RABGAP1L: variants seen among roughly 807,000 people sequenced by gnomAD.
The protein encoded by RABGAP1L is RAB GTPase activating protein 1 like, also known as rab GTPase-activating protein 1-like.
Under a neutral mutation model 137.7 loss-of-function variants are expected in RABGAP1L, and 63 were observed. The observed-to-expected ratio is 0.46, with a 90% CI of 0.37 to 0.56. The LOEUF is 0.56. RABGAP1L is among the 20% of genes least tolerant of loss of function. RABGAP1L has a pLI of 0.00. For synonymous variants in RABGAP1L, 431 were observed against 433.7 expected (o/e 0.99, Z 0.08); for missense variants, 1,095 against 1,244.0 (o/e 0.88, Z 1.80).
intron 19 of RABGAP1L, among the ~76,000 whole-genome samples, chr1:174,859,976 TC>T (rs142630658): frequency 0.22 from 22,977 of 105,008 alleles, 2,878 homozygotes; most frequent in African/African-American, 0.36. Flanking sequence ...TTTTTTTTTT[TC>T]CAAATAAAGT....
chr1:174,503,720 A>G (rs1333703842), intron 13 of RABGAP1L, among the ~76,000 whole-genome samples: 1 of 151,822 alleles, frequency 6.6e-6, no homozygotes, highest in Non-Finnish European at 1.5e-5. Context: ...ATGCAGTAAT[A>G]AGGAACTATC....
intron 1 of RABGAP1L, among the ~76,000 whole-genome samples, chr1:174,212,224 A>C (rs1356907468): frequency 6.6e-6 from 1 of 152,262 alleles, no homozygotes; most frequent in South Asian, 2.1e-4. Flanking sequence ...GACCGTACTT[A>C]GGTCACAAAA....
At chr1:174,192,763 A>C (rs1255411800) in intron 1 of RABGAP1L, among the ~76,000 whole-genome samples, 1 of 152,180 alleles carries the variant, frequency 6.6e-6, no homozygotes, top group Non-Finnish European at 1.5e-5. Flanking sequence ...GAAAGCCCCC[A>C]CATGAAAATA....
At chr1:174,434,152 C>CACA (rs1652994776) in intron 13 of RABGAP1L, among the ~76,000 whole-genome samples, 3 of 145,964 alleles carry the variant, frequency 2.1e-5, no homozygotes, top group Non-Finnish European at 4.6e-5. Context: ...CACACACACA[C>CACA]CCTGCCTGGG....
intron 10 of RABGAP1L, among the ~76,000 whole-genome samples, chr1:174,302,140 ATTG>A (rs1482756289): frequency 6.6e-6 from 1 of 152,184 alleles, no homozygotes; most frequent in Non-Finnish European, 1.5e-5. Context: ...TGCTATCCTT[ATTG>A]TTATTACCAT....
intron 19 of RABGAP1L, among the ~76,000 whole-genome samples, chr1:174,832,452 C>T (rs1443190280): frequency 1.4e-5 from 2 of 148,116 alleles, no homozygotes; most frequent in African/African-American, 4.9e-5. Flanking sequence ...AGGTGCACAA[C>T]TTAATTTTGC....
chr1:174,240,372 G>C (rs1290201753), intron 4 of RABGAP1L, among the ~76,000 whole-genome samples: 1 of 152,146 alleles, frequency 6.6e-6, no homozygotes, highest in Non-Finnish European at 1.5e-5. Context: ...TCGGCCTCCT[G>C]AATAGCTGGG....
chr1:174,431,377 A>T (rs1428987554), intron 13 of RABGAP1L, among the ~76,000 whole-genome samples: 7 of 152,178 alleles, frequency 4.6e-5, no homozygotes, highest in Non-Finnish European at 1.0e-4. Context: ...TGATTAATGG[A>T]TAGTTGTAAG....
chr1:174,697,698 C>T (rs553913188), intron 15 of RABGAP1L, among the ~76,000 whole-genome samples: 136 of 152,246 alleles, frequency 8.9e-4, no homozygotes, highest in Non-Finnish European at 1.6e-3. Context: ...GAGGCTTACA[C>T]CTTGGTAAGA....
At chr1:174,202,221 G>A (rs1356725089) in intron 1 of RABGAP1L, among the ~76,000 whole-genome samples, 4 of 151,980 alleles carry the variant, frequency 2.6e-5, no homozygotes, top group Admixed American at 6.6e-5. Context: ...CTGAGGAATC[G>A]CTACACTGAC....
intron 13 of RABGAP1L, among the ~76,000 whole-genome samples, chr1:174,618,886 C>G (rs2148256624): frequency 6.6e-6 from 1 of 152,282 alleles, no homozygotes; most frequent in East Asian, 1.9e-4. Flanking sequence ...AAGTTAAAAA[C>G]TTTGAAAAAA....
chr1:174,856,927 C>CA lies in RABGAP1L; in HGVS notation c.2340+44980dup, dbSNP rs35271468. 2.0e-3 allele frequency among the ~76,000 whole-genome samples: 253 copies of CA among 127,556 alleles called. 2 individuals are homozygous for CA. Among genetic ancestry groups the CA allele is most frequent in the Admixed American group, 2.5e-3 (31 of 12,542 alleles). 83.7% of individuals were successfully genotyped at this position (127,556 alleles called of 152,430 possible). A position where few individuals can be genotyped will look rare whatever the true frequency, so the allele number is the denominator to read the frequency against. Reference sequence around the variant, plus strand: ...GGGAGACAGAGCAAGACTCCGTCTCCAAAAAAAAAAAAAGTTAGACCTTTG... The same window carrying CA: ...GGGAGACAGAGCAAGACTCCGTCTCCAAAAAAAAAAAAAAGTTAGACCTTTG... On this transcript the variant is annotated intron_variant, in intron 19 of 25. Transcript: ENST00000681986.
chr1:174,435,236 T>A (rs955373836), intron 13 of RABGAP1L, among the ~76,000 whole-genome samples: 3 of 152,174 alleles, frequency 2.0e-5, no homozygotes, highest in African/African-American at 7.2e-5. Flanking sequence ...CAGGCTTGTC[T>A]TGAACTCCTG....
chr1:174,502,185 A>G (rs2147764466), intron 13 of RABGAP1L, among the ~76,000 whole-genome samples: 1 of 152,140 alleles, frequency 6.6e-6, no homozygotes, highest in African/African-American at 2.4e-5. Context: ...AGCAACAAGT[A>G]TGCAAAAAGT....
intron 18 of RABGAP1L, among the ~76,000 whole-genome samples, chr1:174,781,739 T>C (rs1687026493): frequency 1.3e-5 from 2 of 152,200 alleles, no homozygotes; most frequent in South Asian, 4.1e-4. Flanking sequence ...GAATTAATTT[T>C]TGTATAAGGT....
chr1:174,203,798 A>T (rs978610473), intron 1 of RABGAP1L, among the ~76,000 whole-genome samples: 36 of 152,008 alleles, frequency 2.4e-4, no homozygotes, highest in African/African-American at 7.7e-4. Flanking sequence ...CTTAGTGTAG[A>T]GATGTTCTAC....
At chr1:174,629,574 G>T (rs577480567) in intron 13 of RABGAP1L, among the ~76,000 whole-genome samples, 1 of 152,012 alleles carries the variant, frequency 6.6e-6, no homozygotes, top group South Asian at 2.1e-4. Context: ...TCGCTCTGTC[G>T]CCCAGTGGCA....
chr1:174,637,656 T>C (rs1674172141), intron 14 of RABGAP1L, among the ~76,000 whole-genome samples, 168 bp downstream of exon 14: 1 of 152,204 alleles, frequency 6.6e-6, no homozygotes, highest in South Asian at 2.1e-4. Context: ...AAGGTGACTT[T>C]TCGGTTGCAT....
At chr1:174,465,438 G>A (rs10912788) in intron 13 of RABGAP1L, among the ~76,000 whole-genome samples, 8,072 of 151,700 alleles carry the variant, frequency 0.053, 695 homozygotes, top group African/African-American at 0.18. Flanking sequence ...GACCTCAGGC[G>A]ATCCACCCAC....
Sources: allele counts gnomAD v4.1 joint callset (sites outside exome capture counted in the v4.1 genomes callset), GRCh38; gene constraint gnomAD v4.1.1; transcripts MANE v1.5; gene names NCBI Gene and HGNC (gene_info 2026-07-23, HGNC 2026-07-21).